KCTD16: variants seen among roughly 807,000 people sequenced by gnomAD.
The protein encoded by KCTD16 is BTB/POZ domain-containing protein KCTD16.
KCTD16 carries 13 observed loss-of-function variants against 33.2 expected under a neutral mutation model. The ratio of observed to expected loss-of-function variants is 0.39; its 90% CI spans 0.25 to 0.62. The LOEUF is 0.62. Among genes scored for constraint, KCTD16 ranks in the 20% least tolerant of loss-of-function variants. The pLI, the probability that KCTD16 is intolerant of heterozygous loss-of-function variation, is 0.50. For synonymous variants in KCTD16, 197 were observed against 195.3 expected, an observed-to-expected ratio of 1.01 and a Z score of -0.07; for missense variants, 441 against 525.1, an observed-to-expected ratio of 0.84 and a Z score of 1.57.
chr5:144,249,059 A>T (rs1183524962), intron 3 of KCTD16, among the ~76,000 whole-genome samples: 1 of 152,150 alleles, frequency 6.6e-6, no homozygotes, highest in Non-Finnish European at 1.5e-5. Flanking sequence ...TTAGAATAAA[A>T]TACAAATTCT....
chr5:144,345,996 C>A (rs934663023), intron 3 of KCTD16, among the ~76,000 whole-genome samples: 1 of 151,304 alleles, frequency 6.6e-6, no homozygotes. Flanking sequence ...CCACCTCCCC[C>A]CAAGTCCCTC....
intron 3 of KCTD16, among the ~76,000 whole-genome samples, chr5:144,299,898 T>TA (rs66821172): frequency 0.083 from 10,632 of 128,346 alleles, 703 homozygotes; most frequent in African/African-American, 0.21. Flanking sequence ...CAGAATCATT[T>TA]AAAAAAAAAA....
chr5:144,171,952 C>A (rs895264239), intron 1 of KCTD16, among the ~76,000 whole-genome samples: 1 of 152,144 alleles, frequency 6.6e-6, no homozygotes, highest in Non-Finnish European at 1.5e-5. Context: ...AACTAATGAG[C>A]AGAACTTTCT....
intron 2 of KCTD16, among the ~76,000 whole-genome samples, chr5:144,191,278 C>T (rs9324943): frequency 0.46 from 69,186 of 151,890 alleles, 16,730 homozygotes; most frequent in African/African-American, 0.62. Flanking sequence ...AAGTGGTGGT[C>T]GTTGAGAAAC....
intron 3 of KCTD16, among the ~76,000 whole-genome samples, chr5:144,278,028 A>G (rs1755485949): frequency 6.6e-6 from 1 of 152,200 alleles, no homozygotes; most frequent in Admixed American, 6.5e-5. Context: ...AAATTTTGAA[A>G]GAGTCACATT....
intron 3 of KCTD16, among the ~76,000 whole-genome samples, chr5:144,379,243 C>T (rs1752158998): frequency 6.6e-6 from 1 of 152,104 alleles, no homozygotes; most frequent in Non-Finnish European, 1.5e-5. Flanking sequence ...CCATGGATGA[C>T]AAGAAAGATA....
Position 144,390,305 on chromosome 5 carries a change from A to G in KCTD16, c.833-83355A>G, listed in dbSNP as rs550838457. Among the ~76,000 whole-genome samples the G allele has an allele frequency of 3.3e-5, 5 of 152,264 alleles. No homozygotes were observed. The East Asian group carries it at 5.8e-4, about 18-fold the overall frequency. On this transcript the variant is annotated intron_variant, in intron 3 of 3. Coordinates refer to ENST00000512467, the MANE Select transcript of KCTD16 (RefSeq NM_020768.4). ...ACAAGGAGAAGTGTGCACAGGGGGC[A>G]CCTTGTGGCAGGAACTGGAAATAGT... is the stretch of plus-strand genomic sequence containing the variant.
At chr5:144,469,295 C>T (rs115093184) in intron 3 of KCTD16, among the ~76,000 whole-genome samples, 198 of 152,272 alleles carry the variant, frequency 1.3e-3, no homozygotes, top group African/African-American at 4.4e-3. Context: ...ACACAGTATG[C>T]GCTTGTGGTC....
chr5:144,406,642 G>T (rs147928315), intron 3 of KCTD16, among the ~76,000 whole-genome samples: 1 of 152,064 alleles, frequency 6.6e-6, no homozygotes, highest in African/African-American at 2.4e-5. Context: ...TGAAAATAAC[G>T]AAGTTGGCAC....
intron 3 of KCTD16, among the ~76,000 whole-genome samples, chr5:144,407,905 T>G (rs1343493080): frequency 6.6e-6 from 1 of 152,218 alleles, no homozygotes; most frequent in Non-Finnish European, 1.5e-5. Context: ...TAGTATTCCA[T>G]GGTGTGTATG....
chr5:144,314,892 C>G (rs528310884), intron 3 of KCTD16, among the ~76,000 whole-genome samples: 2 of 152,244 alleles, frequency 1.3e-5, no homozygotes, highest in African/African-American at 4.8e-5. Flanking sequence ...CCTATATTTA[C>G]TCCTCAGTCT....
At chr5:144,289,620 T>G (rs762539040) in intron 3 of KCTD16, among the ~76,000 whole-genome samples, 4 of 152,210 alleles carry the variant, frequency 2.6e-5, no homozygotes, top group Non-Finnish European at 5.9e-5. Context: ...CCTGAGCTTC[T>G]GTCTTTTTAT....
chr5:144,377,086 C>T (rs1752109231), intron 3 of KCTD16, among the ~76,000 whole-genome samples: 1 of 152,114 alleles, frequency 6.6e-6, no homozygotes, highest in Non-Finnish European at 1.5e-5. Flanking sequence ...AACTCATTTC[C>T]TACCCCATTT....
intron 3 of KCTD16, among the ~76,000 whole-genome samples, chr5:144,216,737 G>A (rs555642261): frequency 1.5e-3 from 227 of 151,922 alleles, no homozygotes; most frequent in African/African-American, 5.2e-3. Context: ...CCAGTTACTC[G>A]GGAGGCTGAG....
intron 3 of KCTD16, among the ~76,000 whole-genome samples, chr5:144,469,634 C>G (rs349683): frequency 0.43 from 65,015 of 151,820 alleles, 14,137 homozygotes; most frequent in East Asian, 0.67. Context: ...ATGCTGTTAA[C>G]AGCCTTATTC....
intron 3 of KCTD16, among the ~76,000 whole-genome samples, chr5:144,234,707 G>A (rs950000819): frequency 6.6e-6 from 1 of 152,006 alleles, no homozygotes; most frequent in Non-Finnish European, 1.5e-5. Flanking sequence ...AAATAAAATG[G>A]CATCTATGGG....
chr5:144,326,011 GATA>G (rs1366468802), intron 3 of KCTD16, among the ~76,000 whole-genome samples: 4 of 152,090 alleles, frequency 2.6e-5, no homozygotes, highest in African/African-American at 9.7e-5. Flanking sequence ...AATAATTAAT[GATA>G]ATAATAGTGG....
intron 3 of KCTD16, among the ~76,000 whole-genome samples, chr5:144,245,185 A>G (rs760364746): frequency 6.6e-5 from 10 of 152,210 alleles, no homozygotes; most frequent in Non-Finnish European, 1.3e-4. Flanking sequence ...TACACACACA[A>G]TCTTTGTCTT....
intron 3 of KCTD16, among the ~76,000 whole-genome samples, chr5:144,285,814 T>TG (rs1390149659): frequency 1.3e-5 from 2 of 152,184 alleles, no homozygotes; most frequent in African/African-American, 4.8e-5. Context: ...ACAACACACT[T>TG]GCAGGAAAAG....
Sources: allele counts gnomAD v4.1 joint callset (sites outside exome capture counted in the v4.1 genomes callset), GRCh38; gene constraint gnomAD v4.1.1; transcripts MANE v1.5; gene names NCBI Gene and HGNC (gene_info 2026-07-23, HGNC 2026-07-21).